PITX3: variants seen among roughly 807,000 people sequenced by gnomAD.
PITX3 encodes the protein paired like homeodomain 3, also known as pituitary homeobox 3.
Under a neutral mutation model 14.2 loss-of-function variants are expected in PITX3, and 4 were observed. The observed-to-expected ratio is 0.28, with a 90% CI of 0.14 to 0.65. The LOEUF (loss-of-function observed/expected upper bound fraction) is 0.65, where lower values mean the gene tolerates loss of function less well. Among genes scored for constraint, PITX3 ranks in the 30% least tolerant of loss-of-function variants. PITX3 has a pLI of 0.82. For missense variants in PITX3, 358 were observed against 426.8 expected, an observed-to-expected ratio of 0.84 and a Z score of 1.42; for synonymous variants, 194 against 204.5, an observed-to-expected ratio of 0.95 and a Z score of 0.44.
At chr10:102,237,745 T>G (rs1414603655) in intron 1 of PITX3, among the ~76,000 whole-genome samples, 1 of 152,120 alleles carries the variant, frequency 6.6e-6, no homozygotes, top group African/African-American at 2.4e-5. Context: ...AGTCATGGAT[T>G]ATAAAATATT....
At chr10:102,237,327 A>T (rs1541049) in intron 1 of PITX3, among the ~76,000 whole-genome samples, 139 of 151,892 alleles carry the variant, frequency 9.2e-4, no homozygotes, top group African/African-American at 3.2e-3. Flanking sequence ...GTTCAAGAGG[A>T]AGAGAAGGGG....
chr10:102,240,639 C>T (rs1321667597), intron 1 of PITX3, among the ~76,000 whole-genome samples: 1 of 152,232 alleles, frequency 6.6e-6, no homozygotes, highest in South Asian at 2.1e-4. Context: ...CCCGGACATT[C>T]TGTCCGCTCC....
intron 1 of PITX3, among the ~76,000 whole-genome samples, chr10:102,235,917 G>A (rs1438069055): frequency 6.6e-6 from 1 of 152,242 alleles, no homozygotes; most frequent in Non-Finnish European, 1.5e-5. Flanking sequence ...CCCAAGCTGG[G>A]AGCCACTTTG....
At chr10:102,233,629 A>G (rs2070312530) in intron 1 of PITX3, among the ~76,000 whole-genome samples, 1 of 151,854 alleles carries the variant, frequency 6.6e-6, no homozygotes, top group Non-Finnish European at 1.5e-5. Flanking sequence ...TTCTGAAGAG[A>G]TTTCATTTGA....
In PITX3 at chr10:102,230,620, C is replaced by T. The variant is rs751197907; in HGVS notation, c.803G>A (p.Arg268Gln). Reference protein sequence around the residue: ...DPCNSSLASLRLKAKQHASFS... With the variant: ...DPCNSSLASLQLKAKQHASFS... ...GGAGGCGTGCTGTTTGGCTTTGAGC[C>T]GCAGGCTGGCCAGGCTCGAGTTACA... The change falls in exon 4 of 4, where the codon CGG becomes CAG. Residue 268 changes from arginine (R) to glutamine (Q), a missense_variant. By Grantham distance (43) the Arg-to-Gln change is conservative. Around this residue, in one of 3 missense-constraint regions of PITX3, gnomAD observed 236 missense variants for 250.2 expected, o/e 0.94. Transcript: ENST00000370002. The T allele has an allele frequency of 2.5e-6, 4 of 1,609,412 alleles. No homozygotes were observed. Among genetic ancestry groups the T allele is most frequent in the Non-Finnish European group, 3.4e-6 (4 of 1,178,232 alleles).
chr10:102,230,850 G>T lies in PITX3; in HGVS notation c.573C>A (p.Pro191=). 6.3e-7 allele frequency: 1 copy of T among 1,594,984 alleles called. No individual in the cohort carries two copies. The highest frequency in any genetic ancestry group is 8.5e-7 in the Non-Finnish European group (1 of 1,171,642). The change falls in exon 4 of 4, where the codon CCC becomes CCA. Residue 191 remains proline (P), a synonymous_variant. Transcript: ENST00000370002. The part of the protein sequence containing the change: ...PLASQPVFSP[P]SSIAASMVPS... The stretch of plus-strand genomic sequence containing the variant: ...GCACCATGGAGGCGGCGATGGAGCT[G>T]GGTGGCGAGAAGACGGGCTGCGAAG...
chr10:102,240,964 G>T (rs1350082819), intron 1 of PITX3, among the ~76,000 whole-genome samples: 3 of 151,972 alleles, frequency 2.0e-5, no homozygotes, highest in Non-Finnish European at 4.4e-5. Context: ...CAGCTCCCCC[G>T]CTGGCCAGGG....
chr10:102,230,505 C>CGG lies in PITX3; in HGVS notation c.*7_*8dup. On this transcript the variant is annotated 3_prime_UTR_variant, in exon 4 of 4. Coordinates refer to ENST00000370002, the MANE Select transcript of PITX3 (RefSeq NM_005029.4). ...CCCGCCCTCGGGGATGATCTACGGG[C>CGG]GGGGCCGCTCATACGGGCCTTTCCA... 1 of 1,602,040 alleles carries CGG rather than the reference C, an allele frequency of 6.2e-7. No homozygotes were observed. The highest frequency in any genetic ancestry group is 8.5e-7 in the Non-Finnish European group (1 of 1,174,996).
At chr10:102,231,196 C>T in intron 3 of PITX3, 95 bp from the exon 4 acceptor site, 4 of 1,244,530 alleles carry the variant, frequency 3.2e-6, no homozygotes, top group Non-Finnish European at 3.2e-6. Flanking sequence ...CGGGGCCCTG[C>T]GGTCAATAAA....
Position 102,239,978 on chromosome 10 carries a change from C to T in PITX3, c.-13+1355G>A, listed in dbSNP as rs574717818. ...CTGGATTCCATGAGCCTCCTTCCCA[C>T]CTCCGCTCAGCCACCAGGGTGGTGT... On this transcript the variant is annotated intron_variant, in intron 1 of 3. Transcript: ENST00000370002. 6.6e-5 allele frequency among the ~76,000 whole-genome samples: 10 copies of T among 152,378 alleles called. No individual in the cohort carries two copies. In the South Asian group the frequency reaches 2.1e-3, roughly 32 times the overall value.
In PITX3 at chr10:102,232,035, G is replaced by T; in HGVS notation, c.46C>A (p.Leu16Met). ...LSEAEARSPA[L>M]SLSDAGTPHP... ...GGAGTGCCAGCGTCTGACAGCGACA[G>T]GGCAGGGCTCCGGGCCTCTGCCTCG... Residue 16 changes from leucine to methionine, a missense_variant, in exon 2 of 4, where the codon CTG becomes ATG. Physicochemically the swap from Leu to Met is conservative, Grantham distance 15 (BLOSUM62 2). Around this residue, in one of 3 missense-constraint regions of PITX3, gnomAD observed 72 missense variants for 79.9 expected, o/e 0.90. Coordinates refer to ENST00000370002, the MANE Select transcript of PITX3 (RefSeq NM_005029.4). 1 of 1,607,240 alleles carries T rather than the reference G, an allele frequency of 6.2e-7. No individual in the cohort carries two copies.
In PITX3 at chr10:102,230,967, C is replaced by G. The variant is rs1036117364; in HGVS notation, c.456G>C (p.Ser152=). 9 of 1,607,550 alleles carry G rather than the reference C, an allele frequency of 5.6e-6. No homozygotes were observed. The African/African-American group carries it at 9.4e-5, about 17-fold the overall frequency. The part of the protein sequence containing the change: ...PPYEEVYPGY[S]YGNWPPKALA... The stretch of plus-strand genomic sequence containing the variant: ...GAGCCTTGGGCGGCCAGTTGCCGTA[C>G]GAGTAGCCGGGGTACACCTCCTCGT... The change falls in exon 4 of 4, where the codon TCG becomes TCC. Residue 152 remains serine (S), a synonymous_variant. Transcript: ENST00000370002.
chr10:102,231,800 A>G lies in PITX3; in HGVS notation c.119-10T>C, dbSNP rs1288719330. The G allele has an allele frequency of 6.3e-7, 1 of 1,596,248 alleles. No individual in the cohort carries two copies. Among genetic ancestry groups the G allele is most frequent in the South Asian group, 1.1e-5 (1 of 90,020 alleles). Reference sequence around the variant, plus strand: ...GAGGCCTTTTCTGAGTCTGGGGGCCAGGGTGGGGGCAGGTCACAGAGCGCC... The same window carrying G: ...GAGGCCTTTTCTGAGTCTGGGGGCCGGGGTGGGGGCAGGTCACAGAGCGCC... On this transcript the variant is annotated splice_polypyrimidine_tract_variant and intron_variant, in intron 2 of 3. Transcript: ENST00000370002.
chr10:102,235,166 T>TCCC (rs1388718222), intron 1 of PITX3, among the ~76,000 whole-genome samples: 1,129 of 58,760 alleles, frequency 0.019, 8 homozygotes, highest in Middle Eastern at 0.036. Context: ...TTATTACCCT[T>TCCC]CCCCCACCCC....
rs759445004 is a variant in PITX3, at chr10:102,230,479, C to T, written c.*35G>A. On this transcript the variant is annotated 3_prime_UTR_variant, in exon 4 of 4. Coordinates refer to ENST00000370002, the MANE Select transcript of PITX3 (RefSeq NM_005029.4). ...GTCCGCGGAGGCTGTGAATCGTTGC[C>T]CCCGCCCTCGGGGATGATCTACGGG... 13 of 1,585,556 alleles carry T rather than the reference C, an allele frequency of 8.2e-6. No homozygotes were observed. The Admixed American group carries it at 1.9e-4, about 24-fold the overall frequency.
At chr10:102,231,517 G>T (rs527983981) in intron 3 of PITX3, 71 bp downstream of exon 3, 1 of 1,040,402 alleles carries the variant, frequency 9.6e-7, no homozygotes, top group Non-Finnish European at 1.4e-6. Context: ...GGGTGGAACC[G>T]CTGGCCTCCG....
chr10:102,235,584 C>A (rs1484229861), intron 1 of PITX3, among the ~76,000 whole-genome samples: 1 of 152,178 alleles, frequency 6.6e-6, no homozygotes, highest in Non-Finnish European at 1.5e-5. Context: ...AAAACATAAA[C>A]ATGTAAATAT....
Position 102,230,322 on chromosome 10 carries a change from G to A in PITX3, c.*192C>T, listed in dbSNP as rs2070198802. ...TTCCTGGCTTTAGTCCCAGGGGCGC[G>A]GTCTGTGTGTAGGGCCTAGTCCACC... On this transcript the variant is annotated 3_prime_UTR_variant, in exon 4 of 4. Transcript: ENST00000370002. 1.3e-6 allele frequency: 1 copy of A among 758,334 alleles called. No homozygotes were observed. The highest frequency in any genetic ancestry group is 2.0e-6 in the Non-Finnish European group (1 of 511,122). 47.0% of individuals were successfully genotyped at this position (758,334 alleles called of 1,614,324 possible). A position where few individuals can be genotyped will look rare whatever the true frequency, so the allele number is the denominator to read the frequency against.
intron 1 of PITX3, among the ~76,000 whole-genome samples, chr10:102,236,149 C>T (rs1044557184): frequency 2.0e-5 from 3 of 152,160 alleles, no homozygotes; most frequent in South Asian, 2.1e-4. Flanking sequence ...AGGCTGGGGG[C>T]GCCAAGCTGT....
Sources: gnomAD v4.1 joint callset for allele counts (sites outside exome capture counted in the v4.1 genomes callset) on GRCh38, gnomAD v4.1.1 for gene constraint, gnomAD v4.1.1 regional missense constraint, MANE v1.5 for transcripts, NCBI Gene and HGNC (gene_info 2026-07-23, HGNC 2026-07-21) for gene names.